MYOM2: variants seen among roughly 807,000 people sequenced by gnomAD.
MYOM2 encodes the protein myomesin-2.
MYOM2 carries 254 observed loss-of-function variants against 187.6 expected under a neutral mutation model. The observed-to-expected ratio is 1.35, with a 90% CI of 1.22 to 1.50. MYOM2 has a LOEUF of 1.50. Among genes scored for constraint, MYOM2 ranks in the 40% most tolerant of loss-of-function variants. The pLI is 0.00. For synonymous variants in MYOM2, 981 were observed against 753.8 expected (o/e 1.30, Z -4.94); for missense variants, 2,796 against 1,924.0 (o/e 1.45, Z -8.48).
intron 34 of MYOM2, among the ~76,000 whole-genome samples, 173 bp downstream of exon 34, chr8:2,141,350 A>C (rs1418170682): frequency 6.6e-6 from 1 of 152,224 alleles, no homozygotes; most frequent in African/African-American, 2.4e-5. Context: ...GCATTCTCCT[A>C]AACCAGAAAT....
intron 9 of MYOM2, 68 bp from the exon 10 acceptor site, chr8:2,073,271 T>C: frequency 6.5e-7 from 1 of 1,526,794 alleles, no homozygotes; most frequent in Non-Finnish European, 8.9e-7. Context: ...GACGCTGGTG[T>C]CCCCGAGGCT....
At chr8:2,093,337 G>T (rs1248843528) in intron 16 of MYOM2, among the ~76,000 whole-genome samples, 1 of 152,212 alleles carries the variant, frequency 6.6e-6, no homozygotes, top group East Asian at 1.9e-4. Context: ...AATGGTTAGT[G>T]AATATTTATT....
chr8:2,051,383 C>T (rs923023239), intron 2 of MYOM2, among the ~76,000 whole-genome samples: 1 of 152,042 alleles, frequency 6.6e-6, no homozygotes, highest in Non-Finnish European at 1.5e-5. Context: ...TCGGGGATGG[C>T]CTCATACAGG....
chr8:2,137,136 C>T (rs1395357892), intron 32 of MYOM2, among the ~76,000 whole-genome samples: 2 of 151,056 alleles, frequency 1.3e-5, no homozygotes, highest in Admixed American at 1.3e-4. Context: ...ATCTAGGATG[C>T]AATAGTTTTG....
intron 6 of MYOM2, among the ~76,000 whole-genome samples, chr8:2,067,647 A>G (rs1177329598): frequency 6.6e-6 from 1 of 152,168 alleles, no homozygotes; most frequent in African/African-American, 2.4e-5. Flanking sequence ...TTCACAGCCA[A>G]GAAGAGAAGT....
In MYOM2 at chr8:2,114,794, A is replaced by T. The variant is rs58032500; in HGVS notation, c.3181-1166A>T. Among the ~76,000 whole-genome samples, 842 of 151,810 alleles carry T rather than the reference A, an allele frequency of 5.5e-3. 15 individuals carry two copies. The highest frequency in any genetic ancestry group is 0.048 in the East Asian group (248 of 5,158). ...CTAACAAAATTTCTTTTTTCTTTTT[A>T]TTTTTTTGAGACAGGGTCTTTCTCT... On this transcript the variant is annotated intron_variant, in intron 25 of 36. Transcript: ENST00000262113.
At chr8:2,096,123 GCA>G in intron 17 of MYOM2, 122 bp from the exon 18 acceptor site, 1 of 841,278 alleles carries the variant, frequency 1.2e-6, no homozygotes, top group South Asian at 1.7e-5. Context: ...GGATCAGAGG[GCA>G]CAGTGTTCAG....
In MYOM2 at chr8:2,101,152, C is replaced by T. The variant is rs144222949; in HGVS notation, c.2619+98C>T. On this transcript the variant is annotated intron_variant, in intron 20 of 36. Coordinates refer to ENST00000262113, the MANE Select transcript of MYOM2 (RefSeq NM_003970.4). Reference sequence around the variant, plus strand: ...CTTGAGGTCAGGAGTTCGAAACCAGCCTGGCCAACATGGAGAAGCCCCGTC... The same window carrying T: ...CTTGAGGTCAGGAGTTCGAAACCAGTCTGGCCAACATGGAGAAGCCCCGTC... 592 of 1,249,162 alleles carry T rather than the reference C, an allele frequency of 4.7e-4. 4 individuals are homozygous for T. The African/African-American group carries it at 7.6e-3, about 16-fold the overall frequency. 77.4% of individuals were successfully genotyped at this position (1,249,162 alleles called of 1,614,324 possible).
chr8:2,071,827 C>T (rs1442214717), intron 8 of MYOM2, among the ~76,000 whole-genome samples: 2 of 152,142 alleles, frequency 1.3e-5, no homozygotes, highest in African/African-American at 4.8e-5. Flanking sequence ...GGGTTGCTGA[C>T]GGCACCTGCT....
At chr8:2,069,564 C>A in intron 8 of MYOM2, 67 bp downstream of exon 8, 5 of 1,547,944 alleles carry the variant, frequency 3.2e-6, no homozygotes, top group Non-Finnish European at 4.4e-6. Context: ...AATTTGAAAA[C>A]ATGGTTTCCT....
chr8:2,145,100 C>G lies in MYOM2; in HGVS notation c.*119C>G. On this transcript the variant is annotated 3_prime_UTR_variant, in exon 37 of 37. Transcript: ENST00000262113. ...TGTCCTGTGTGGGCTGATAGTTGAT[C>G]ACACATTGTGCTTTTGATTTTTGCA... 1 of 1,089,960 alleles carries G rather than the reference C, an allele frequency of 9.2e-7. No individual in the cohort carries two copies. The highest frequency in any genetic ancestry group is 1.3e-6 in the Non-Finnish European group (1 of 755,250). 67.5% of individuals were successfully genotyped at this position (1,089,960 alleles called of 1,614,324 possible).
intron 10 of MYOM2, among the ~76,000 whole-genome samples, chr8:2,074,121 A>G (rs1375324854): frequency 6.6e-6 from 1 of 152,244 alleles, no homozygotes; most frequent in Non-Finnish European, 1.5e-5. Context: ...TCCATTTATG[A>G]AAAGAAAGAC....
At chr8:2,085,692 CGTGGCCCCCCACTGTCGTGATCTCTTT>C (rs1218779854) in intron 14 of MYOM2, among the ~76,000 whole-genome samples, 1 of 11,402 alleles carries the variant, frequency 8.8e-5, no homozygotes, top group Admixed American at 1.4e-3. Context: ...GTGATCTCTG[CGTGGCCCCCCACTGTCGTGATCTCTTT>C]GTGGCCCCCC....
chr8:2,113,917 G>T (rs924996298), intron 25 of MYOM2, among the ~76,000 whole-genome samples: 2 of 152,216 alleles, frequency 1.3e-5, no homozygotes, highest in African/African-American at 4.8e-5. Flanking sequence ...GCAGGGATGA[G>T]TAAGGCCATG....
At chr8:2,123,509 T>C (rs761717008) in intron 29 of MYOM2, 46 bp from the exon 30 acceptor site, 5 of 1,542,386 alleles carry the variant, frequency 3.2e-6, no homozygotes, top group Non-Finnish European at 2.7e-6. Context: ...TTTTCTAAGA[T>C]TGCAGTATTG....
rs1216687842 is a variant in MYOM2 at position 2,069,369 on chromosome 8, G to C, written c.742+3G>C. On this transcript the variant is annotated splice_donor_region_variant and intron_variant, in intron 7 of 36. Coordinates refer to ENST00000262113, the MANE Select transcript of MYOM2 (RefSeq NM_003970.4). ...CAACGCGGCGGTGGTGGTGAGAAGTGAGTGCCGGGTGGGCTTTCACGGGGC... is the reference window on the plus strand; with the variant it reads ...CAACGCGGCGGTGGTGGTGAGAAGTCAGTGCCGGGTGGGCTTTCACGGGGC... 1 of 1,614,012 alleles carries C rather than the reference G, an allele frequency of 6.2e-7. No individual in the cohort carries two copies. Among genetic ancestry groups the C allele is most frequent in the South Asian group, 1.1e-5 (1 of 91,082 alleles).
intron 31 of MYOM2, among the ~76,000 whole-genome samples, chr8:2,125,960 G>C (rs1386880658): frequency 6.6e-6 from 1 of 151,892 alleles, no homozygotes; most frequent in Admixed American, 6.6e-5. Context: ...TCGAAATTTT[G>C]ATAAGAATTG....
In MYOM2 at chr8:2,140,729, T is replaced by C. The variant is rs1235437981; in HGVS notation, c.3807T>C (p.Ala1269=). ...TCCTGTTGCTCTTTTCAAGAGATGC[T>C]AAGATCTCATCCAGTGAGCATATGA... The part of the protein sequence containing the change: ...EMKVNWCHKD[A]KISSSEHMRI... Residue 1269 remains alanine (A), a synonymous_variant, in exon 33 of 37, where the codon GCT becomes GCC. Coordinates refer to ENST00000262113, the MANE Select transcript of MYOM2 (RefSeq NM_003970.4). 2 of 1,613,844 alleles carry C rather than the reference T, an allele frequency of 1.2e-6. No individual in the cohort carries two copies. Among genetic ancestry groups the C allele is most frequent in the East Asian group, 2.2e-5 (1 of 44,870 alleles).
chr8:2,078,592 C>T, intron 11 of MYOM2, 142 bp from the exon 12 acceptor site: 4 of 704,454 alleles, frequency 5.7e-6, no homozygotes, highest in Non-Finnish European at 9.6e-6. Context: ...CTATACAAGT[C>T]AATATCTTAG....
Sources: gnomAD v4.1 joint callset for allele counts (sites outside exome capture counted in the v4.1 genomes callset) on GRCh38, gnomAD v4.1.1 for gene constraint, MANE v1.5 for transcripts, NCBI Gene and HGNC (gene_info 2026-07-23, HGNC 2026-07-21) for gene names.